The following CDKL1 variants were observed in gnomAD, a reference collection of about 807,000 sequenced individuals.
The protein encoded by CDKL1 is cyclin-dependent kinase-like 1.
Under a neutral mutation model 42.0 loss-of-function variants are expected in CDKL1, and 41 were observed. The ratio of observed to expected loss-of-function variants is 0.98; its 90% confidence interval spans 0.76 to 1.27. CDKL1 has a LOEUF of 1.27. CDKL1 is among the 50% of genes most tolerant of loss of function. The probability of loss-of-function intolerance (pLI) is 0.00; values close to 1 mark genes in which losing one functional copy is unlikely to be tolerated. For missense variants in CDKL1, 394 were observed against 428.4 expected, an observed-to-expected ratio of 0.92 and a Z score of 0.71; for synonymous variants, 153 against 158.6, an observed-to-expected ratio of 0.96 and a Z score of 0.26.
chr14:50,384,573 C>G (rs2035015375), intron 2 of CDKL1, among the ~76,000 whole-genome samples: 1 of 146,722 alleles, frequency 6.8e-6, no homozygotes, highest in Admixed American at 7.0e-5. Context: ...AATTGAGAGT[C>G]AGAAAGAATA....
chr14:50,360,917 C>T (rs1012104460), intron 2 of CDKL1, among the ~76,000 whole-genome samples: 2 of 151,858 alleles, frequency 1.3e-5, no homozygotes, highest in Admixed American at 1.3e-4. Flanking sequence ...TATGAATATA[C>T]CACATTTTGT....
intron 2 of CDKL1, among the ~76,000 whole-genome samples, chr14:50,366,362 C>T (rs1163090472): frequency 6.6e-6 from 1 of 152,106 alleles, no homozygotes; most frequent in African/African-American, 2.4e-5. Flanking sequence ...AGTGACTGGC[C>T]CTGAGTCAGG....
intron 3 of CDKL1, among the ~76,000 whole-genome samples, chr14:50,351,984 A>G (rs888804833): frequency 6.6e-6 from 1 of 152,196 alleles, no homozygotes; most frequent in African/African-American, 2.4e-5. Context: ...CTAAATTTTC[A>G]TCTCTCACAA....
At chr14:50,358,147 A>G (rs1242707572) in intron 3 of CDKL1, 2 of 1,332,176 alleles carry the variant, frequency 1.5e-6, no homozygotes, top group African/African-American at 1.5e-5. Context: ...TGCATATGCT[A>G]GAGAGAGCTG....
chr14:50,388,917 G>A (rs917880039), intron 2 of CDKL1, among the ~76,000 whole-genome samples: 1 of 151,778 alleles, frequency 6.6e-6, no homozygotes, highest in Admixed American at 6.6e-5. Context: ...GGACAACACA[G>A]TGAAACCCTG....
intron 2 of CDKL1, chr14:50,378,108 T>C: frequency 7.7e-7 from 1 of 1,301,570 alleles, no homozygotes. Flanking sequence ...AATTCTCAAA[T>C]TTCCCTGAAC....
intron 2 of CDKL1, chr14:50,376,519 A>G (rs1297261381): frequency 1.2e-5 from 4 of 322,138 alleles, no homozygotes; most frequent in African/African-American, 8.6e-5. Flanking sequence ...AATAAATATT[A>G]TGCAGGTATT....
chr14:50,361,116 G>A (rs2034234416), intron 2 of CDKL1, among the ~76,000 whole-genome samples: 1 of 152,142 alleles, frequency 6.6e-6, no homozygotes, highest in Non-Finnish European at 1.5e-5. Flanking sequence ...GATTCACTGT[G>A]TATCCAGAGG....
At chr14:50,332,096 G>T (rs1330102598) in intron 9 of CDKL1, 166 bp downstream of exon 9, 1 of 1,581,780 alleles carries the variant, frequency 6.3e-7, no homozygotes, top group African/African-American at 1.3e-5. Flanking sequence ...GGGAGAGGGG[G>T]CTTCAGGAGA....
chr14:50,372,810 T>C (rs1425522747), intron 2 of CDKL1, among the ~76,000 whole-genome samples: 1 of 152,244 alleles, frequency 6.6e-6, no homozygotes, highest in African/African-American at 2.4e-5. Context: ...TGTGTATTCT[T>C]GATGCTTCTA....
At position 50,346,651 on chromosome 14, in the gene CDKL1, G is replaced by GTTTTTTTT. The variant is rs375954757; in HGVS notation, c.291-1594_291-1593insAAAAAAAA. On this transcript the variant is annotated intron_variant, in intron 3 of 9. Coordinates refer to ENST00000395834, the MANE Select transcript of CDKL1 (RefSeq NM_004196.7). ...TGATTATTCAATAAATTAAATTTTT[G>GTTTTTTTT]GTTTTTTTTTTTTTTTTGAGATGGA... 1.1e-4 allele frequency among the ~76,000 whole-genome samples: 13 copies of GTTTTTTTT among 123,632 alleles called. 1 individual carries two copies. The highest frequency in any genetic ancestry group is 2.3e-4 in the South Asian group (1 of 4,288). 81.1% of individuals were successfully genotyped at this position (123,632 alleles called of 152,430 possible). A position where few individuals can be genotyped will look rare whatever the true frequency, so the allele number is the denominator to read the frequency against.
chr14:50,348,429 A>G (rs1047929370), intron 3 of CDKL1, among the ~76,000 whole-genome samples: 8 of 152,338 alleles, frequency 5.3e-5, no homozygotes, highest in African/African-American at 1.9e-4. Flanking sequence ...GAGATTGTGG[A>G]TACCGTTCTG....
At chr14:50,347,402 T>C (rs971899556) in intron 3 of CDKL1, among the ~76,000 whole-genome samples, 22 of 152,146 alleles carry the variant, frequency 1.4e-4, no homozygotes, top group African/African-American at 5.1e-4. Flanking sequence ...GATCACCTTA[T>C]ATAGGATGGC....
intron 8 of CDKL1, 46 bp from the exon 9 acceptor site, chr14:50,332,478 T>A (rs768497858): frequency 1.5e-5 from 24 of 1,556,060 alleles, no homozygotes; most frequent in Non-Finnish European, 2.1e-5. Context: ...CAAAATTGTA[T>A]TAACTTATTA....
In CDKL1 at chr14:50,358,258, G is replaced by T. The variant is rs11570817; in HGVS notation, c.290+770C>A. 4.2e-3 allele frequency: 2,982 copies of T among 707,160 alleles called. 80 individuals are homozygous for T. In the African/African-American group the frequency reaches 0.053, roughly 12 times the overall value. 43.8% of individuals were successfully genotyped at this position (707,160 alleles called of 1,614,324 possible). On this transcript the variant is annotated intron_variant, in intron 3 of 9. Transcript: ENST00000395834. ...CTATGCTTGCTTCAGTTGGGTTTTT[G>T]TCACTTGAAACCAAAGAAATCCTGA...
intron 3 of CDKL1, among the ~76,000 whole-genome samples, chr14:50,351,734 CAAA>C (rs1199112239): frequency 1.7e-4 from 11 of 62,926 alleles, no homozygotes; most frequent in Non-Finnish European, 1.6e-4. Context: ...GGCCTTGTCT[CAAA>C]AAAAAAAAAA....
chr14:50,360,287 C>T (rs185057781), intron 2 of CDKL1, among the ~76,000 whole-genome samples: 31 of 152,290 alleles, frequency 2.0e-4, no homozygotes, highest in African/African-American at 6.5e-4. Flanking sequence ...TATTGTGCAA[C>T]CATCACCACC....
chr14:50,364,925 C>T (rs1446933885), intron 2 of CDKL1, among the ~76,000 whole-genome samples: 3 of 152,108 alleles, frequency 2.0e-5, no homozygotes, highest in African/African-American at 7.2e-5. Flanking sequence ...CGGCCTGGAG[C>T]TTAGAACCTA....
chr14:50,378,324 G>T (rs2034794044), intron 2 of CDKL1: 2 of 1,366,404 alleles, frequency 1.5e-6, no homozygotes, highest in South Asian at 1.1e-5. Flanking sequence ...GGGCAATAAG[G>T]TTCTTGCTCT....
Sources: gnomAD v4.1 joint callset for allele counts (sites outside exome capture counted in the v4.1 genomes callset) on GRCh38, gnomAD v4.1.1 for gene constraint, MANE v1.5 for transcripts, NCBI Gene and HGNC (gene_info 2026-07-23, HGNC 2026-07-21) for gene names.